ST6GALNAC3: variants seen among roughly 807,000 people sequenced by gnomAD.
The protein encoded by ST6GALNAC3 is alpha-N-acetylgalactosaminide alpha-2,6-sialyltransferase 3.
A neutral mutation model predicts 32.7 loss-of-function variants in ST6GALNAC3; 25 were observed. The observed-to-expected ratio is 0.76, with a 90% CI of 0.56 to 1.07. ST6GALNAC3 has a LOEUF of 1.07. ST6GALNAC3 is among the 50% of genes least tolerant of loss of function. ST6GALNAC3 has a pLI of 0.00. For synonymous variants in ST6GALNAC3, 129 were observed against 133.1 expected, an observed-to-expected ratio of 0.97 and a Z score of 0.21; for missense variants, 355 against 382.4, an observed-to-expected ratio of 0.93 and a Z score of 0.60.
chr1:76,123,231 G>A (rs1032258686), intron 1 of ST6GALNAC3, among the ~76,000 whole-genome samples: 2 of 152,058 alleles, frequency 1.3e-5, no homozygotes, highest in African/African-American at 4.8e-5. Context: ...AATTAGCTGG[G>A]CATGGTGGCA....
chr1:76,147,630 C>T (rs892598147), intron 1 of ST6GALNAC3, among the ~76,000 whole-genome samples: 13 of 152,162 alleles, frequency 8.5e-5, no homozygotes, highest in East Asian at 3.9e-4. Context: ...TCAACTAGAA[C>T]GTAAGCTCCA....
At chr1:76,568,533 T>A (rs1171600051) in intron 3 of ST6GALNAC3, among the ~76,000 whole-genome samples, 5 of 152,156 alleles carry the variant, frequency 3.3e-5, no homozygotes, top group African/African-American at 4.8e-5. Context: ...CAATTTGGAA[T>A]CTCTACAGGA....
At chr1:76,468,831 T>C (rs1658826798) in intron 3 of ST6GALNAC3, among the ~76,000 whole-genome samples, 2 of 152,028 alleles carry the variant, frequency 1.3e-5, no homozygotes, top group South Asian at 2.1e-4. Flanking sequence ...CAACTTTTTA[T>C]TGGTTTTAGG....
rs2706188 is a variant in ST6GALNAC3, at chr1:76,201,289, G to A, written c.19-112516G>A. ...AAAGGCAAAGGAGGAGCAAAGTCAT[G>A]TCTTACATGGTGGCAGGCAAGAGAG... On this transcript the variant is annotated intron_variant, in intron 1 of 4. Coordinates refer to ENST00000328299, the MANE Select transcript of ST6GALNAC3 (RefSeq NM_152996.4). Among the ~76,000 whole-genome samples the A allele has an allele frequency of 2.3e-3, 348 of 152,342 alleles. 2 individuals are homozygous for A. The highest frequency in any genetic ancestry group is 8.1e-3 in the African/African-American group (337 of 41,582).
chr1:76,094,002 A>G (rs1647087552), intron 1 of ST6GALNAC3, among the ~76,000 whole-genome samples: 1 of 152,160 alleles, frequency 6.6e-6, no homozygotes, highest in African/African-American at 2.4e-5. Context: ...TCTGTCTTTT[A>G]TTACGGGAGT....
chr1:76,463,047 T>C (rs951648666), intron 3 of ST6GALNAC3, among the ~76,000 whole-genome samples: 4 of 152,180 alleles, frequency 2.6e-5, no homozygotes, highest in African/African-American at 9.6e-5. Flanking sequence ...AAAGCTATTA[T>C]AAAACTGTCA....
At chr1:76,146,935 A>T (rs12057582) in intron 1 of ST6GALNAC3, among the ~76,000 whole-genome samples, 14,789 of 152,004 alleles carry the variant, frequency 0.097, 772 homozygotes, top group Non-Finnish European at 0.12. Flanking sequence ...CATCTCTCCT[A>T]CATGCTTCTC....
At chr1:76,442,740 T>C (rs1346481762) in intron 3 of ST6GALNAC3, among the ~76,000 whole-genome samples, 1 of 152,202 alleles carries the variant, frequency 6.6e-6, no homozygotes, top group Non-Finnish European at 1.5e-5. Context: ...CACCTTGGCA[T>C]AGTCCCTTTT....
At chr1:76,327,629 G>A (rs1246274803) in intron 2 of ST6GALNAC3, among the ~76,000 whole-genome samples, 4 of 152,148 alleles carry the variant, frequency 2.6e-5, no homozygotes, top group Admixed American at 2.0e-4. Context: ...TCACTGTGTC[G>A]CCCGGGCGGG....
intron 3 of ST6GALNAC3, among the ~76,000 whole-genome samples, chr1:76,528,305 G>A (rs1389690212): frequency 6.6e-6 from 1 of 152,138 alleles, no homozygotes; most frequent in Non-Finnish European, 1.5e-5. Context: ...GGGCTATCCT[G>A]TAGAAACTGA....
At chr1:76,614,138 T>C (rs1029612777) in intron 3 of ST6GALNAC3, among the ~76,000 whole-genome samples, 2 of 152,248 alleles carry the variant, frequency 1.3e-5, no homozygotes, top group Admixed American at 1.3e-4. Flanking sequence ...GTGCCAGACA[T>C]AGTTGACTTC....
Position 76,395,603 on chromosome 1 carries a change from A to G in ST6GALNAC3, c.214-16405A>G, listed in dbSNP as rs546335203. Among the ~76,000 whole-genome samples the G allele has an allele frequency of 5.3e-5, 8 of 151,112 alleles. No homozygotes were observed. In the East Asian group the frequency reaches 1.4e-3, roughly 26 times the overall value. On this transcript the variant is annotated intron_variant, in intron 2 of 4. Transcript: ENST00000328299. ...CACACACACACAGACACACACGCAC[A>G]CACACACACGCACACACAGAGGAAT...
intron 2 of ST6GALNAC3, among the ~76,000 whole-genome samples, chr1:76,387,575 C>T (rs962803470): frequency 3.3e-5 from 5 of 151,972 alleles, no homozygotes; most frequent in Middle Eastern, 3.2e-3. Context: ...AGTTTTCTGC[C>T]TCTCCCTTGG....
Position 76,428,264 on chromosome 1 carries a change from A to G in ST6GALNAC3, c.623+15847A>G, listed in dbSNP as rs576750072. 8.5e-5 allele frequency among the ~76,000 whole-genome samples: 13 copies of G among 152,138 alleles called. No homozygotes were observed. The South Asian group carries it at 2.7e-3, about 32-fold the overall frequency. On this transcript the variant is annotated intron_variant, in intron 3 of 4. Transcript: ENST00000328299. The stretch of plus-strand genomic sequence containing the variant: ...AATTTCCCAGAAATGACTTTGTGGG[A>G]TTTTAATCTAATTCTCTGAATGGTG...
intron 3 of ST6GALNAC3, among the ~76,000 whole-genome samples, chr1:76,515,388 T>G (rs439492): frequency 0.39 from 59,189 of 151,924 alleles, 11,595 homozygotes; most frequent in Admixed American, 0.4. Flanking sequence ...CTTTTGTTGT[T>G]TTTTTTAATT....
At position 76,463,331 on chromosome 1, in the gene ST6GALNAC3, G is replaced by T. The variant is rs774742282; in HGVS notation, c.623+50914G>T. Among the ~76,000 whole-genome samples, 5 of 152,134 alleles carry T rather than the reference G, an allele frequency of 3.3e-5. No homozygotes were observed. In the East Asian group the frequency reaches 5.8e-4, roughly 18 times the overall value. Reference sequence around the variant, plus strand: ...TCATGTAGGATTTCAACTTCAACTTGCTGTGAAGGAGCCAGACTTTGCTGT... The same window carrying T: ...TCATGTAGGATTTCAACTTCAACTTTCTGTGAAGGAGCCAGACTTTGCTGT... On this transcript the variant is annotated intron_variant, in intron 3 of 4. Transcript: ENST00000328299.
chr1:76,450,896 C>T (rs918701611), intron 3 of ST6GALNAC3, among the ~76,000 whole-genome samples: 3 of 152,122 alleles, frequency 2.0e-5, no homozygotes, highest in African/African-American at 7.2e-5. Flanking sequence ...TACATTCTGT[C>T]CATTGGTCTA....
At chr1:76,311,287 TA>T (rs11345917) in intron 1 of ST6GALNAC3, among the ~76,000 whole-genome samples, 102,888 of 150,876 alleles carry the variant, frequency 0.68, 35,260 homozygotes, top group Admixed American at 0.72. Context: ...TTTTCTTTTT[TA>T]AAAAAATTAT....
chr1:76,488,361 G>A (rs1389345644), intron 3 of ST6GALNAC3, among the ~76,000 whole-genome samples: 2 of 152,056 alleles, frequency 1.3e-5, no homozygotes, highest in Non-Finnish European at 2.9e-5. Context: ...AGTTTTCTGA[G>A]GCCTCCCTAG....
Sources: allele counts gnomAD v4.1 joint callset (sites outside exome capture counted in the v4.1 genomes callset), GRCh38; gene constraint gnomAD v4.1.1; transcripts MANE v1.5; gene names NCBI Gene and HGNC (gene_info 2026-07-23, HGNC 2026-07-21).